Variants in PDCD1LG2 observed in about 807,000 individuals in gnomAD.
The protein encoded by PDCD1LG2 is programmed cell death 1 ligand 2.
A neutral mutation model predicts 28.2 loss-of-function variants in PDCD1LG2; 32 were observed. The observed-to-expected ratio is 1.13, with a 90% CI of 0.86 to 1.52. The LOEUF is 1.52. Among genes scored for constraint, PDCD1LG2 ranks in the 40% most tolerant of loss-of-function variants. PDCD1LG2 has a pLI of 0.00. For synonymous variants in PDCD1LG2, 116 were observed against 120.2 expected (o/e 0.97, Z 0.23); for missense variants, 385 against 323.8 (o/e 1.19, Z -1.45).
chr9:5,522,468 G>A, intron 1 of PDCD1LG2, 65 bp from the exon 2 acceptor site: 1 of 1,289,618 alleles, frequency 7.8e-7, no homozygotes, highest in Admixed American at 1.9e-5. Flanking sequence ...TTTCAAAAGT[G>A]AACAAAGAAC....
At chr9:5,549,268 A>G in intron 3 of PDCD1LG2, 67 bp from the exon 4 acceptor site, 11 of 1,432,378 alleles carry the variant, frequency 7.7e-6, no homozygotes, top group Non-Finnish European at 1.0e-5. Flanking sequence ...TTCACATGGC[A>G]TGAAGTACCA....
intron 2 of PDCD1LG2, among the ~76,000 whole-genome samples, chr9:5,528,754 G>A (rs1269635486): frequency 6.6e-6 from 1 of 151,518 alleles, no homozygotes; most frequent in Non-Finnish European, 1.5e-5. Flanking sequence ...CTATTTTTTT[G>A]AGACGCAGTC....
chr9:5,560,373 G>A (rs1459580430), intron 5 of PDCD1LG2, among the ~76,000 whole-genome samples: 1 of 152,218 alleles, frequency 6.6e-6, no homozygotes, highest in Non-Finnish European at 1.5e-5. Flanking sequence ...CCCTGGTTTT[G>A]AGCAGTTGCT....
chr9:5,535,252 G>A (rs1270618269), intron 3 of PDCD1LG2, among the ~76,000 whole-genome samples: 2 of 152,172 alleles, frequency 1.3e-5, no homozygotes, highest in African/African-American at 4.8e-5. Flanking sequence ...CAAGTGAAAG[G>A]GGGTAGGACC....
intron 4 of PDCD1LG2, among the ~76,000 whole-genome samples, chr9:5,554,274 C>T (rs532285374): frequency 3.9e-5 from 6 of 152,292 alleles, no homozygotes; most frequent in East Asian, 1.9e-4. Flanking sequence ...CTTAGATAAT[C>T]GCAGTCCCAT....
chr9:5,541,502 CAA>C (rs1470726760), intron 3 of PDCD1LG2, among the ~76,000 whole-genome samples: 1 of 152,120 alleles, frequency 6.6e-6, no homozygotes, highest in Non-Finnish European at 1.5e-5. Context: ...ACAAATTCAG[CAA>C]AGTTTCAGGA....
In PDCD1LG2 at chr9:5,547,342, C is replaced by T. The variant is rs192152783; in HGVS notation, c.362-1993C>T. ...AATTTCTTAAAAGAATATTTCCTACCGAATGGAAGCCAGTGCTCATCCCCT... is the reference window on the plus strand; with the variant it reads ...AATTTCTTAAAAGAATATTTCCTACTGAATGGAAGCCAGTGCTCATCCCCT... On this transcript the variant is annotated intron_variant, in intron 3 of 6. Transcript: ENST00000397747. 1.5e-3 allele frequency among the ~76,000 whole-genome samples: 231 copies of T among 152,148 alleles called. 1 individual carries two copies. The highest frequency in any genetic ancestry group is 5.1e-3 in the African/African-American group (213 of 41,526).
chr9:5,549,633 A>G (rs2129879567), intron 4 of PDCD1LG2, 29 bp downstream of exon 4: 1 of 1,612,094 alleles, frequency 6.2e-7, no homozygotes, highest in Non-Finnish European at 8.5e-7. Context: ...TCCTAGGTCT[A>G]TCAGTTAGGG....
chr9:5,565,101 A>C (rs1816637242), intron 6 of PDCD1LG2, among the ~76,000 whole-genome samples: 1 of 152,256 alleles, frequency 6.6e-6, no homozygotes, highest in African/African-American at 2.4e-5. Context: ...TAATAATATA[A>C]GGGCCAATAA....
intron 4 of PDCD1LG2, among the ~76,000 whole-genome samples, chr9:5,553,647 T>C (rs1300313184): frequency 6.6e-6 from 1 of 151,958 alleles, no homozygotes; most frequent in Non-Finnish European, 1.5e-5. Context: ...AACAGTGGAG[T>C]AAAATGGCCA....
chr9:5,546,542 G>A (rs757078134), intron 3 of PDCD1LG2, among the ~76,000 whole-genome samples: 1 of 152,148 alleles, frequency 6.6e-6, no homozygotes, highest in Non-Finnish European at 1.5e-5. Context: ...AGTCTAACAG[G>A]TCAAGTCCTT....
At position 5,546,758 on chromosome 9, in the gene PDCD1LG2, G is replaced by A. The variant is rs906880068; in HGVS notation, c.362-2577G>A. Among the ~76,000 whole-genome samples the A allele has an allele frequency of 3.3e-5, 5 of 152,152 alleles. No homozygotes were observed. The South Asian group carries it at 1.0e-3, about 32-fold the overall frequency. Reference sequence around the variant, plus strand: ...GAATTTTACCCACCTCATAGGGTCTGCATATCATTTAAATGACATAATGTA... The same window carrying A: ...GAATTTTACCCACCTCATAGGGTCTACATATCATTTAAATGACATAATGTA... On this transcript the variant is annotated intron_variant, in intron 3 of 6. Coordinates refer to ENST00000397747, the MANE Select transcript of PDCD1LG2 (RefSeq NM_025239.4).
intron 2 of PDCD1LG2, among the ~76,000 whole-genome samples, chr9:5,525,814 C>T (rs1436794659): frequency 1.3e-5 from 2 of 151,778 alleles, no homozygotes; most frequent in Non-Finnish European, 2.9e-5. Flanking sequence ...TTTGGGAGGC[C>T]AAGGTGGGCA....
chr9:5,561,514 A>G lies in PDCD1LG2; in HGVS notation c.767-1648A>G, dbSNP rs187160497. Among the ~76,000 whole-genome samples the G allele has an allele frequency of 3.4e-3, 519 of 152,358 alleles. 1 individual carries two copies. The highest frequency in any genetic ancestry group is 6.1e-3 in the Non-Finnish European group (415 of 68,036). On this transcript the variant is annotated intron_variant, in intron 5 of 6. Coordinates refer to ENST00000397747, the MANE Select transcript of PDCD1LG2 (RefSeq NM_025239.4). ...TATTTGTTGCAAAAGTGCTTAATACAAATTGGTTCAGTCAATATTATTATC... is the reference window on the plus strand; with the variant it reads ...TATTTGTTGCAAAAGTGCTTAATACGAATTGGTTCAGTCAATATTATTATC...
intron 1 of PDCD1LG2, among the ~76,000 whole-genome samples, chr9:5,514,574 A>T (rs1820119532): frequency 6.6e-6 from 1 of 152,140 alleles, no homozygotes; most frequent in South Asian, 2.1e-4. Context: ...GATACTTCTT[A>T]TGTAGAAATA....
intron 6 of PDCD1LG2, among the ~76,000 whole-genome samples, chr9:5,567,868 T>C (rs1453475435): frequency 6.6e-6 from 1 of 152,210 alleles, no homozygotes; most frequent in East Asian, 1.9e-4. Flanking sequence ...CTCATTCACA[T>C]AATTTGGGTT....
intron 2 of PDCD1LG2, among the ~76,000 whole-genome samples, chr9:5,529,739 G>C (rs1292208241): frequency 6.6e-6 from 1 of 152,010 alleles, no homozygotes; most frequent in Admixed American, 6.6e-5. Context: ...GTCATTCTGG[G>C]GCACAGACCT....
At chr9:5,544,641 T>A (rs778653435) in intron 3 of PDCD1LG2, among the ~76,000 whole-genome samples, 4 of 152,114 alleles carry the variant, frequency 2.6e-5, no homozygotes, top group Non-Finnish European at 5.9e-5. Context: ...CCTTGTGTAT[T>A]GGGTGGTAAA....
In PDCD1LG2 at chr9:5,532,821, C is replaced by T. The variant is rs1411264; in HGVS notation, c.56-1924C>T. Among the ~76,000 whole-genome samples, 1,444 of 152,288 alleles carry T rather than the reference C, an allele frequency of 9.5e-3. 17 individuals carry two copies. The highest frequency in any genetic ancestry group is 0.022 in the South Asian group (105 of 4,832). Reference sequence around the variant, plus strand: ...TAAAACATGGTACGAAAGAAAGGAACGAACATTTGCTGAGTGCCTACTGCC... The same window carrying T: ...TAAAACATGGTACGAAAGAAAGGAATGAACATTTGCTGAGTGCCTACTGCC... On this transcript the variant is annotated intron_variant, in intron 2 of 6. Transcript: ENST00000397747.
Sources: allele counts gnomAD v4.1 joint callset (sites outside exome capture counted in the v4.1 genomes callset), GRCh38; gene constraint gnomAD v4.1.1; transcripts MANE v1.5; gene names NCBI Gene and HGNC (gene_info 2026-07-23, HGNC 2026-07-21).